The following ADAM18 variants were observed in gnomAD, a reference collection of about 807,000 sequenced individuals.
ADAM18 encodes the protein disintegrin and metalloproteinase domain-containing protein 18.
Under a neutral mutation model 94.4 loss-of-function variants are expected in ADAM18, and 117 were observed. That is an observed-to-expected ratio of 1.24 (90% CI 1.07 to 1.45). The LOEUF (loss-of-function observed/expected upper bound fraction) is 1.45. Ranked by LOEUF, ADAM18 falls within the 40% of genes most tolerant of loss-of-function variation. ADAM18 has a pLI of 0.00. For missense variants in ADAM18, 936 were observed against 880.0 expected, an observed-to-expected ratio of 1.06 and a Z score of -0.81; for synonymous variants, 327 against 291.6, an observed-to-expected ratio of 1.12 and a Z score of -1.24.
At chr8:39,712,929 G>GA (rs1330014227) in intron 18 of ADAM18, among the ~76,000 whole-genome samples, 5 of 151,976 alleles carry the variant, frequency 3.3e-5, no homozygotes, top group African/African-American at 1.2e-4. Context: ...CACAGAATTG[G>GA]AAAAAACTAC....
chr8:39,588,090 T>C (rs1410985175), intron 2 of ADAM18, among the ~76,000 whole-genome samples: 1 of 152,200 alleles, frequency 6.6e-6, no homozygotes, highest in Non-Finnish European at 1.5e-5. Context: ...GTTCTATTTT[T>C]AATTTTTTGT....
At chr8:39,682,070 G>T (rs1335066143) in intron 16 of ADAM18, among the ~76,000 whole-genome samples, 1 of 152,086 alleles carries the variant, frequency 6.6e-6, no homozygotes, top group Non-Finnish European at 1.5e-5. Context: ...CATTAGTTAA[G>T]AGTAACAAAA....
intron 10 of ADAM18, among the ~76,000 whole-genome samples, chr8:39,643,608 A>T (rs1820296637): frequency 6.6e-6 from 1 of 152,088 alleles, no homozygotes; most frequent in Non-Finnish European, 1.5e-5. Flanking sequence ...TGAAATCAAA[A>T]TGAACAGAGT....
intron 2 of ADAM18, among the ~76,000 whole-genome samples, chr8:39,602,766 T>C (rs994982628): frequency 7.0e-6 from 1 of 141,986 alleles, no homozygotes; most frequent in Admixed American, 6.8e-5. Flanking sequence ...TTCATTCTTT[T>C]AATAATGTCT....
intron 1 of ADAM18, 113 bp from the exon 2 acceptor site, chr8:39,585,163 T>C: frequency 1.4e-6 from 1 of 711,678 alleles, no homozygotes; most frequent in Non-Finnish European, 2.4e-6. Flanking sequence ...ATGAGAGAAC[T>C]TCTACTTAAA....
chr8:39,718,042 A>T (rs2129581661), intron 18 of ADAM18, among the ~76,000 whole-genome samples: 1 of 151,734 alleles, frequency 6.6e-6, no homozygotes, highest in African/African-American at 2.4e-5. Flanking sequence ...ATATCACCTC[A>T]TACCTGTCAG....
intron 17 of ADAM18, among the ~76,000 whole-genome samples, chr8:39,703,248 A>G (rs940100970): frequency 3.3e-5 from 5 of 152,046 alleles, no homozygotes; most frequent in Admixed American, 1.3e-4. Context: ...GGCAATTGTG[A>G]ATGGGACTTC....
intron 18 of ADAM18, among the ~76,000 whole-genome samples, chr8:39,723,469 A>G (rs558454169): frequency 2.6e-5 from 4 of 151,742 alleles, no homozygotes; most frequent in African/African-American, 9.6e-5. Flanking sequence ...CTATTACTGT[A>G]TTAACTTGTA....
chr8:39,631,459 T>C (rs891035538), intron 7 of ADAM18, among the ~76,000 whole-genome samples: 1 of 151,926 alleles, frequency 6.6e-6, no homozygotes, highest in African/African-American at 2.4e-5. Flanking sequence ...CTCCATTCAG[T>C]TGTGTTAGCA....
intron 12 of ADAM18, among the ~76,000 whole-genome samples, chr8:39,660,279 C>T (rs1380879171): frequency 2.0e-5 from 3 of 151,964 alleles, no homozygotes; most frequent in African/African-American, 4.8e-5. Flanking sequence ...TAAATGGATT[C>T]GATTATTGAA....
chr8:39,623,362 A>C lies in ADAM18; in HGVS notation c.523-6012A>C, dbSNP rs188542536. Among the ~76,000 whole-genome samples, 91 of 152,294 alleles carry C rather than the reference A, an allele frequency of 6.0e-4. 1 individual carries two copies. In the Middle Eastern group the frequency reaches 0.01, roughly 17 times the overall value. On this transcript the variant is annotated intron_variant, in intron 6 of 19. Coordinates refer to ENST00000265707, the MANE Select transcript of ADAM18 (RefSeq NM_014237.3). The stretch of plus-strand genomic sequence containing the variant: ...ATTTCTTTTTTGGGGGATAATCAAC[A>C]GTGGGTTTGGTAGATCTACTTTTAC...
chr8:39,729,547 A>C (rs1823016057), intron 19 of ADAM18, among the ~76,000 whole-genome samples: 1 of 152,144 alleles, frequency 6.6e-6, no homozygotes, highest in Non-Finnish European at 1.5e-5. Flanking sequence ...AAGTGTATAA[A>C]ACTGAATAAA....
rs1334979582 is a variant in ADAM18, at chr8:39,677,487, T to TC, written c.1583dup (p.Glu529Ter). The stretch of plus-strand genomic sequence containing the variant: ...AGAAGTTAATTCTCTGCATGAAAGA[T>TC]CTGAAAACTGTGGTTTTAAAAATTC... On this transcript the variant is annotated frameshift_variant, in exon 15 of 20. Coordinates refer to ENST00000265707, the MANE Select transcript of ADAM18 (RefSeq NM_014237.3). LOFTEE classifies it high-confidence loss of function. 19 of 1,610,946 alleles carry TC rather than the reference T, an allele frequency of 1.2e-5. No individual in the cohort carries two copies. The Admixed American group carries it at 2.9e-4, about 24-fold the overall frequency.
intron 6 of ADAM18, among the ~76,000 whole-genome samples, chr8:39,628,023 G>T (rs1165877998): frequency 6.6e-6 from 1 of 152,002 alleles, no homozygotes; most frequent in African/African-American, 2.4e-5. Context: ...TCTTTATAAA[G>T]AGACTAAAGA....
intron 10 of ADAM18, among the ~76,000 whole-genome samples, chr8:39,639,311 T>C (rs1289543236): frequency 6.6e-6 from 1 of 152,006 alleles, no homozygotes; most frequent in Non-Finnish European, 1.5e-5. Flanking sequence ...CAATTGCCTT[T>C]GTTTAATTTT....
At chr8:39,691,655 CA>C (rs1821784534) in intron 16 of ADAM18, among the ~76,000 whole-genome samples, 1 of 151,862 alleles carries the variant, frequency 6.6e-6, no homozygotes, top group Non-Finnish European at 1.5e-5. Flanking sequence ...TAGTGATAAA[CA>C]AATAAAATCA....
intron 17 of ADAM18, among the ~76,000 whole-genome samples, chr8:39,702,983 A>C (rs1822130976): frequency 6.6e-6 from 1 of 151,992 alleles, no homozygotes. Context: ...TTTGCTTCCC[A>C]GTGAATTTTA....
At position 39,648,464 on chromosome 8, in the gene ADAM18, T is replaced by C; in HGVS notation, c.1167T>C (p.Asn389=). 2 of 1,613,314 alleles carry C rather than the reference T, an allele frequency of 1.2e-6. No individual in the cohort carries two copies. Among genetic ancestry groups the C allele is most frequent in the Non-Finnish European group, 1.7e-6 (2 of 1,179,650 alleles). ...CAAATTTGCAACCATTACATCAAAA[T>C]CAACCAGTGTGTGGTAATGGGATTT... The part of the protein sequence containing the change: ...KLSNLQPLHQ[N]QPVCGNGILE... Residue 389 remains asparagine, a synonymous_variant, in exon 12 of 20, where the codon AAT becomes AAC. Coordinates refer to ENST00000265707, the MANE Select transcript of ADAM18 (RefSeq NM_014237.3).
At chr8:39,729,840 A>G (rs1823023603) in intron 19 of ADAM18, 58 bp from the exon 20 acceptor site, 2 of 1,419,948 alleles carry the variant, frequency 1.4e-6, no homozygotes, top group Admixed American at 1.7e-5. Context: ...AAAATAGGCA[A>G]TTGGCTACTA....
Sources: gnomAD v4.1 joint callset for allele counts (sites outside exome capture counted in the v4.1 genomes callset) on GRCh38, gnomAD v4.1.1 for gene constraint, MANE v1.5 for transcripts, NCBI Gene and HGNC (gene_info 2026-07-23, HGNC 2026-07-21) for gene names.